The following TENM4 variants were observed in gnomAD, a reference collection of about 807,000 sequenced individuals.
The protein encoded by TENM4 is teneurin-4.
In TENM4, 82 loss-of-function variants were observed where a neutral mutation model predicts 243.3. The ratio of observed to expected loss-of-function variants is 0.34; its 90% CI spans 0.28 to 0.40. The LOEUF (loss-of-function observed/expected upper bound fraction) is 0.40. Ranked by LOEUF, TENM4 falls within the 10% of genes least tolerant of loss-of-function variation. TENM4 has a pLI of 1.00. For missense variants in TENM4, 3,138 were observed against 3,673.3 expected (o/e 0.85, Z 3.77); for synonymous variants, 1,412 against 1,456.3 (o/e 0.97, Z 0.69).
chr11:78,869,699 A>G (rs2136238461), intron 9 of TENM4, among the ~76,000 whole-genome samples: 1 of 152,312 alleles, frequency 6.6e-6, no homozygotes, highest in East Asian at 1.9e-4. Flanking sequence ...GGAAGTACTA[A>G]GGCCAAATTT....
At chr11:79,360,774 G>A (rs1235381753) in intron 1 of TENM4, among the ~76,000 whole-genome samples, 6 of 152,254 alleles carry the variant, frequency 3.9e-5, no homozygotes, top group Middle Eastern at 6.8e-3. Context: ...TATACTGAGC[G>A]ATCATCTTAA....
intron 15 of TENM4, among the ~76,000 whole-genome samples, chr11:78,803,985 G>A (rs1387572894): frequency 6.6e-6 from 1 of 152,186 alleles, no homozygotes; most frequent in Non-Finnish European, 1.5e-5. Flanking sequence ...CTATTCAACA[G>A]GGAAAGGTAA....
intron 12 of TENM4, among the ~76,000 whole-genome samples, chr11:78,842,279 G>A (rs1003732614): frequency 2.0e-5 from 3 of 152,178 alleles, no homozygotes; most frequent in Non-Finnish European, 4.4e-5. Context: ...TCCCTTACAA[G>A]GTAAAATACA....
At chr11:79,188,629 A>C (rs1350777708) in intron 3 of TENM4, among the ~76,000 whole-genome samples, 1 of 151,568 alleles carries the variant, frequency 6.6e-6, no homozygotes. Context: ...GAAGGGAAGA[A>C]TAAAGGAGAA....
chr11:78,969,550 A>G (rs544157711), intron 6 of TENM4, among the ~76,000 whole-genome samples: 2 of 152,360 alleles, frequency 1.3e-5, no homozygotes, highest in South Asian at 2.1e-4. Flanking sequence ...AAGAAAGACC[A>G]TTAACAAAAT....
intron 6 of TENM4, among the ~76,000 whole-genome samples, chr11:78,952,103 T>C (rs1333008334): frequency 2.6e-5 from 4 of 152,158 alleles, no homozygotes; most frequent in African/African-American, 9.7e-5. Context: ...AGCTGACTGC[T>C]TTCTATCCTC....
intron 9 of TENM4, 109 bp downstream of exon 9, chr11:78,889,676 G>T (rs577099653): frequency 1.6e-4 from 196 of 1,225,858 alleles, no homozygotes; most frequent in Non-Finnish European, 2.1e-4. Context: ...CTCACACTGC[G>T]TGCTTTGCCT....
Position 79,201,017 on chromosome 11 carries a change from G to A in TENM4, c.-163+14791C>T, listed in dbSNP as rs768102641. 8.1e-4 allele frequency among the ~76,000 whole-genome samples: 123 copies of A among 152,288 alleles called. 3 individuals carry two copies. The highest frequency in any genetic ancestry group is 2.9e-4 in the Non-Finnish European group (20 of 68,016). ...TTCTGACATTATTGAAAAAGTTCGTGCTGCAGAGGGTCTGCAGGAAGAATC... is the reference window on the plus strand; with the variant it reads ...TTCTGACATTATTGAAAAAGTTCGTACTGCAGAGGGTCTGCAGGAAGAATC... On this transcript the variant is annotated intron_variant, in intron 3 of 33. Transcript: ENST00000278550.
At position 78,823,184 on chromosome 11, in the gene TENM4, C is replaced by T. The variant is rs142993549; in HGVS notation, c.1682-8789G>A. ...AGCACTAGGCCCTTCTGAGGAGAGG[C>T]GAGCGCTCCCGGGAAATGCCTCGTC... On this transcript the variant is annotated intron_variant, in intron 12 of 33. Transcript: ENST00000278550. Among the ~76,000 whole-genome samples the T allele has an allele frequency of 1.4e-3, 216 of 152,302 alleles. 1 individual carries two copies. Among genetic ancestry groups the T allele is most frequent in the Middle Eastern group, 3.4e-3 (1 of 294 alleles).
At chr11:78,974,920 T>G (rs1031782027) in intron 6 of TENM4, among the ~76,000 whole-genome samples, 1 of 151,642 alleles carries the variant, frequency 6.6e-6, no homozygotes, top group African/African-American at 2.4e-5. Flanking sequence ...CCTGACCTTA[T>G]ATAATCTGCC....
chr11:79,174,478 C>G (rs1328097104), intron 3 of TENM4, among the ~76,000 whole-genome samples: 2 of 152,202 alleles, frequency 1.3e-5, no homozygotes, highest in Non-Finnish European at 2.9e-5. Flanking sequence ...CTTACAGCTA[C>G]AGCTGTGCCT....
At chr11:79,222,007 C>T (rs987627221) in intron 2 of TENM4, among the ~76,000 whole-genome samples, 1 of 152,152 alleles carries the variant, frequency 6.6e-6, no homozygotes, top group Non-Finnish European at 1.5e-5. Context: ...TCTGTGAACA[C>T]ACGAGTGGTC....
chr11:78,718,031 C>T (rs890951017), intron 25 of TENM4, among the ~76,000 whole-genome samples: 9 of 152,254 alleles, frequency 5.9e-5, no homozygotes, highest in East Asian at 3.9e-4. Flanking sequence ...GAGTCTGCTC[C>T]GGGGAAGCAC....
intron 32 of TENM4, among the ~76,000 whole-genome samples, chr11:78,668,197 T>A (rs1858209033): frequency 6.6e-6 from 1 of 152,224 alleles, no homozygotes; most frequent in South Asian, 2.1e-4. Flanking sequence ...TTATTCTTTT[T>A]TTTCCCTCTT....
At chr11:79,056,537 C>T (rs1383387133) in intron 6 of TENM4, among the ~76,000 whole-genome samples, 4 of 151,944 alleles carry the variant, frequency 2.6e-5, no homozygotes, top group South Asian at 2.1e-4. Flanking sequence ...TCGTGCTATG[C>T]GGAGGAGGCC....
At chr11:79,059,841 C>T (rs766859313) in intron 6 of TENM4, among the ~76,000 whole-genome samples, 5 of 152,212 alleles carry the variant, frequency 3.3e-5, no homozygotes, top group Non-Finnish European at 7.3e-5. Context: ...TGCCCAAGAT[C>T]TCAGAGCTTA....
intron 1 of TENM4, among the ~76,000 whole-genome samples, chr11:79,436,544 G>C (rs868085335): frequency 8.5e-5 from 13 of 152,158 alleles, no homozygotes; most frequent in South Asian, 2.1e-4. Flanking sequence ...ATACCAAATA[G>C]AATCAGATTC....
intron 6 of TENM4, among the ~76,000 whole-genome samples, chr11:79,042,145 G>T (rs1290481005): frequency 1.3e-5 from 2 of 152,214 alleles, no homozygotes; most frequent in East Asian, 3.8e-4. Flanking sequence ...CACTTGGGAA[G>T]GGTAGGCTGA....
intron 4 of TENM4, among the ~76,000 whole-genome samples, chr11:79,129,225 G>A (rs1296136229): frequency 4.6e-5 from 7 of 152,190 alleles, no homozygotes; most frequent in African/African-American, 1.7e-4. Flanking sequence ...GAGCTTGCTG[G>A]GAGCCCAAGC....
Sources: gnomAD v4.1 joint callset for allele counts (sites outside exome capture counted in the v4.1 genomes callset) on GRCh38, gnomAD v4.1.1 for gene constraint, MANE v1.5 for transcripts, NCBI Gene and HGNC (gene_info 2026-07-23, HGNC 2026-07-21) for gene names.